The following PRR5 variants were observed in gnomAD, a reference collection of about 807,000 sequenced individuals.
PRR5 encodes proline-rich protein 5.
PRR5 carries 25 observed loss-of-function variants against 30.6 expected under a neutral mutation model. That is an observed-to-expected ratio of 0.82 (90% CI 0.60 to 1.14). The LOEUF is 1.14. PRR5 is among the 50% of genes most tolerant of loss of function. The pLI is 0.00. For missense variants in PRR5, 600 were observed against 547.1 expected (o/e 1.10, Z -0.96); for synonymous variants, 286 against 247.1 (o/e 1.16, Z -1.48).
chr22:44,714,441 G>T, intron 1 of PRR5, 150 bp from the exon 2 acceptor site: 1 of 1,105,656 alleles, frequency 9.0e-7, no homozygotes, highest in South Asian at 1.5e-5. Context: ...GGGGGTGCAG[G>T]GCCTCGGAGT....
At chr22:44,705,324 T>C (rs1305384047) in intron 1 of PRR5, among the ~76,000 whole-genome samples, 1 of 152,116 alleles carries the variant, frequency 6.6e-6, no homozygotes, top group Non-Finnish European at 1.5e-5. Flanking sequence ...TTTCTCTCTC[T>C]CTATTTTTTT....
At chr22:44,700,241 A>T (rs1926131503), upstream of PRR5, among the ~76,000 whole-genome samples, 1 of 152,168 alleles carries the variant, frequency 6.6e-6, no homozygotes, top group Non-Finnish European at 1.5e-5. Context: ...AGGTGGGAGG[A>T]TCACCTGAGG....
Position 44,737,242 on chromosome 22 carries a change from G to C in PRR5, c.1162G>C (p.Val388Leu), listed in dbSNP as rs113976744. 11 of 1,597,248 alleles carry C rather than the reference G, an allele frequency of 6.9e-6. No homozygotes were observed. Among genetic ancestry groups the C allele is most frequent in the Admixed American group, 5.0e-5 (3 of 59,418 alleles). Residue 388 changes from valine to leucine, a missense_variant, in exon 8 of 8, where the codon GTG becomes CTG. Coordinates refer to ENST00000336985, the MANE Select transcript of PRR5 (RefSeq NM_181333.4). ...GGGCTCTGGGGGCCGGCAGAGTGTCGTGTGAGGCCTCACAGCTGGCCTTGA... is the reference window on the plus strand; with the variant it reads ...GGGCTCTGGGGGCCGGCAGAGTGTCCTGTGAGGCCTCACAGCTGGCCTTGA... ...LEGSGGRQSV[V>L]
chr22:44,697,717 C>T (rs185288604), upstream of PRR5, among the ~76,000 whole-genome samples: 7 of 152,344 alleles, frequency 4.6e-5, no homozygotes, highest in South Asian at 8.3e-4. Context: ...CTCTCTCTCC[C>T]GCCCAGCCCG....
At chr22:44,717,738 C>T (rs547963852) in intron 2 of PRR5, among the ~76,000 whole-genome samples, 2 of 145,354 alleles carry the variant, frequency 1.4e-5, no homozygotes, top group East Asian at 2.0e-4. Flanking sequence ...TTTTTTGAGA[C>T]GGAGTTTCAC....
chr22:44,669,730 T>C (rs1229627284), intron 1 of PRR5, among the ~76,000 whole-genome samples: 5 of 152,138 alleles, frequency 3.3e-5, no homozygotes, highest in Non-Finnish European at 7.4e-5. Context: ...TCCACTTCCC[T>C]ACCAGTGGCA....
chr22:44,731,906 CT>C (rs1248850753), intron 5 of PRR5, 85 bp downstream of exon 5: 4 of 1,362,530 alleles, frequency 2.9e-6, no homozygotes, highest in Non-Finnish European at 4.0e-6. Context: ...GGCCGCCAGG[CT>C]TGGGGACACA....
chr22:44,707,054 C>T (rs1038995101), intron 1 of PRR5, among the ~76,000 whole-genome samples: 1 of 152,130 alleles, frequency 6.6e-6, no homozygotes, highest in Non-Finnish European at 1.5e-5. Context: ...GATAAAGACA[C>T]GAAGTCTGAC....
intron 2 of PRR5, among the ~76,000 whole-genome samples, chr22:44,716,315 G>A (rs1248452862): frequency 6.6e-6 from 1 of 152,248 alleles, no homozygotes; most frequent in Non-Finnish European, 1.5e-5. Context: ...GTGCTGGAAT[G>A]TTTAAGGAAT....
Position 44,737,065 on chromosome 22 carries a change from C to A in PRR5, c.985C>A (p.Pro329Thr). Residue 329 changes from proline to threonine, a missense_variant, in exon 8 of 8, where the codon CCT (proline) becomes ACT (threonine). Physicochemically the swap from Pro to Thr is conservative, Grantham distance 38 (BLOSUM62 -1). Transcript: ENST00000336985. ...PSRLYPTTQP[P>T]EQGLDPTRSS... ...CAGACTGTACCCCACGACCCAGCCC[C>A]CTGAGCAGGGCTTGGATCCCACCCG... 1.2e-6 allele frequency: 2 copies of A among 1,610,250 alleles called. No individual in the cohort carries two copies. Among genetic ancestry groups the A allele is most frequent in the East Asian group, 2.2e-5 (1 of 44,836 alleles).
At chr22:44,734,970 C>T (rs1922927033) in intron 6 of PRR5, 57 bp from the exon 7 acceptor site, 12 of 1,546,956 alleles carry the variant, frequency 7.8e-6, no homozygotes, top group African/African-American at 1.4e-5. Flanking sequence ...GGTTGAGAGC[C>T]TGGAGCCACC....
At chr22:44,736,156 G>A (rs567352676) in intron 7 of PRR5, among the ~76,000 whole-genome samples, 3 of 152,280 alleles carry the variant, frequency 2.0e-5, no homozygotes, top group South Asian at 2.1e-4. Flanking sequence ...GGGTCCCCAC[G>A]TCTACCCTCA....
intron 1 of PRR5, among the ~76,000 whole-genome samples, chr22:44,712,638 G>C (rs547288577): frequency 6.6e-6 from 1 of 152,328 alleles, no homozygotes; most frequent in South Asian, 2.1e-4. Context: ...CAAGTCACAG[G>C]GAAGGGTAGA....
At chr22:44,726,422 G>C (rs1920949548) in intron 3 of PRR5, among the ~76,000 whole-genome samples, 155 bp from the exon 4 acceptor site, 1 of 152,198 alleles carries the variant, frequency 6.6e-6, no homozygotes, top group South Asian at 2.1e-4. Flanking sequence ...CTGATGCTCA[G>C]GCCCTGCAGC....
At chr22:44,721,114 C>T (rs533168690) in intron 2 of PRR5, among the ~76,000 whole-genome samples, 27 of 152,164 alleles carry the variant, frequency 1.8e-4, no homozygotes, top group Non-Finnish European at 2.8e-4. Context: ...CCTCTGTTAC[C>T]GGTGGAGGGT....
At chr22:44,718,539 C>G (rs771537275) in intron 2 of PRR5, among the ~76,000 whole-genome samples, 7 of 152,120 alleles carry the variant, frequency 4.6e-5, no homozygotes, top group Non-Finnish European at 1.0e-4. Context: ...ATTGCTGGGT[C>G]CCATGATGAC....
chr22:44,730,886 A>C (rs1427868791), intron 4 of PRR5: 1 of 444,134 alleles, frequency 2.3e-6, no homozygotes. Context: ...GGGGTCGATC[A>C]CCCCTGGCTA....
chr22:44,694,925 CT>C (rs1049689186), intron 1 of PRR5, among the ~76,000 whole-genome samples: 17 of 152,146 alleles, frequency 1.1e-4, no homozygotes, highest in African/African-American at 4.1e-4. Flanking sequence ...AATCCTAGCA[CT>C]TTGAGAGGCT....
upstream of PRR5, among the ~76,000 whole-genome samples, chr22:44,675,337 C>T (rs1276534855): frequency 2.0e-5 from 3 of 152,230 alleles, no homozygotes; most frequent in Non-Finnish European, 4.4e-5. Context: ...AAACTGTCCT[C>T]CTGCCTTGGC....
Sources: allele counts gnomAD v4.1 joint callset (sites outside exome capture counted in the v4.1 genomes callset), GRCh38; gene constraint gnomAD v4.1.1; transcripts MANE v1.5; gene names NCBI Gene and HGNC (gene_info 2026-07-23, HGNC 2026-07-21).